The following NCKAP5 variants were observed in gnomAD, a reference collection of about 807,000 sequenced individuals.
The protein encoded by NCKAP5 is NCK associated protein 5.
A neutral mutation model predicts 167.0 loss-of-function variants in NCKAP5; 92 were observed. That is an observed-to-expected ratio of 0.55 (90% CI 0.47 to 0.66). NCKAP5 has a LOEUF of 0.66. Among genes scored for constraint, NCKAP5 ranks in the 30% least tolerant of loss-of-function variants. NCKAP5 has a pLI of 0.00. For synonymous variants in NCKAP5, 891 were observed against 877.4 expected (o/e 1.02, Z -0.27); for missense variants, 2,378 against 2,315.0 (o/e 1.03, Z -0.56).
At chr2:133,604,189 G>A in the NCKAP5 span, among the ~76,000 whole-genome samples, 8 of 152,096 alleles carry the variant, frequency 5.3e-5, no homozygotes, top group Non-Finnish European at 1.0e-4. Flanking sequence ...GTAAAGATGA[G>A]TCTTTAGGAT....
chr2:133,600,392 G>GA, the NCKAP5 span, among the ~76,000 whole-genome samples: 33 of 151,950 alleles, frequency 2.2e-4, no homozygotes, highest in African/African-American at 8.0e-4. Flanking sequence ...GGCCTCTAGG[G>GA]AAAAAAAAGA....
At chr2:132,893,324 C>T (rs996892159) in intron 8 of NCKAP5, among the ~76,000 whole-genome samples, 12 of 152,122 alleles carry the variant, frequency 7.9e-5, no homozygotes, top group Non-Finnish European at 1.6e-4. Context: ...TGTAGGTACC[C>T]GCAAACACAT....
intron 4 of NCKAP5, among the ~76,000 whole-genome samples, chr2:133,249,214 A>C (rs1034666777): frequency 2.0e-5 from 3 of 152,170 alleles, no homozygotes; most frequent in African/African-American, 7.2e-5. Flanking sequence ...GAGATGGGGA[A>C]GTTATCCTGG....
chr2:133,383,911 TG>T (rs1329038518), intron 3 of NCKAP5, among the ~76,000 whole-genome samples: 4 of 152,178 alleles, frequency 2.6e-5, no homozygotes, highest in African/African-American at 7.2e-5. Context: ...TTGATGGGGT[TG>T]TTTTTTTCTT....
chr2:133,614,681 C>A, the NCKAP5 span, among the ~76,000 whole-genome samples: 1 of 152,162 alleles, frequency 6.6e-6, no homozygotes, highest in Admixed American at 6.5e-5. Flanking sequence ...GATTGGTATA[C>A]CTGAAAGTGA....
chr2:133,046,862 G>T (rs2079419035), intron 6 of NCKAP5, among the ~76,000 whole-genome samples: 1 of 152,140 alleles, frequency 6.6e-6, no homozygotes, highest in Non-Finnish European at 1.5e-5. Flanking sequence ...AAACATAAGG[G>T]GTCGAGAGAA....
chr2:132,736,035 T>C (rs1691473674), intron 16 of NCKAP5, among the ~76,000 whole-genome samples: 1 of 152,188 alleles, frequency 6.6e-6, no homozygotes, highest in Admixed American at 6.5e-5. Context: ...TCCCAGAGAA[T>C]TGCATGCCCT....
chr2:133,095,390 G>A (rs1438338364), intron 6 of NCKAP5, among the ~76,000 whole-genome samples: 1 of 152,110 alleles, frequency 6.6e-6, no homozygotes, highest in Non-Finnish European at 1.5e-5. Context: ...TAGAATTTGG[G>A]TCAGGCTCGT....
In NCKAP5 at chr2:132,731,686, C is replaced by CT. The variant is rs546898224; in HGVS notation, c.5443+50dup. 8.8e-4 allele frequency: 1,329 copies of CT among 1,508,092 alleles called. 1 individual carries two copies. The highest frequency in any genetic ancestry group is 7.9e-3 in the Middle Eastern group (44 of 5,580). The allele number at this position is 1,508,092 out of a possible 1,614,324, so 93.4% of individuals were successfully genotyped here. A position where few individuals can be genotyped will look rare whatever the true frequency, so the allele number is the denominator to read the frequency against. On this transcript the variant is annotated intron_variant, in intron 17 of 19. Coordinates refer to ENST00000409261, the MANE Select transcript of NCKAP5 (RefSeq NM_207363.3). ...ACTCATCTCCTGGTGAAAAGTTTCC[C>CT]TTTTTTTTGTCAGCAAATGTCTTAT...
the NCKAP5 span, among the ~76,000 whole-genome samples, chr2:133,641,913 G>A: frequency 6.6e-6 from 1 of 152,058 alleles, no homozygotes; most frequent in African/African-American, 2.4e-5. Flanking sequence ...TATCTACCCT[G>A]GTGTCTTAGT....
the NCKAP5 span, among the ~76,000 whole-genome samples, chr2:133,630,561 A>G: frequency 7.9e-5 from 12 of 152,244 alleles, no homozygotes. Flanking sequence ...TACCTACATA[A>G]CAAACTTGCA....
chr2:132,743,522 AC>A (rs1679383749), intron 16 of NCKAP5, among the ~76,000 whole-genome samples: 1 of 151,772 alleles, frequency 6.6e-6, no homozygotes, highest in South Asian at 2.1e-4. Context: ...TAAACCACTC[AC>A]TAAAACAGGA....
chr2:133,317,056 C>G (rs1232597008), intron 3 of NCKAP5, among the ~76,000 whole-genome samples: 2 of 152,054 alleles, frequency 1.3e-5, no homozygotes, highest in African/African-American at 4.8e-5. Context: ...TGCCACTGGC[C>G]TCAGGAAATA....
chr2:133,125,631 G>T (rs2082379250), intron 6 of NCKAP5, among the ~76,000 whole-genome samples: 1 of 152,172 alleles, frequency 6.6e-6, no homozygotes, highest in South Asian at 2.1e-4. Context: ...TAAAGTGGCA[G>T]CCCTAAGATA....
At chr2:133,123,737 GTGCTGA>G in intron 6 of NCKAP5, 1 of 471,000 alleles carries the variant, frequency 2.1e-6, no homozygotes, top group Non-Finnish European at 4.4e-6. Context: ...GAAGAGCTCT[GTGCTGA>G]TGCTTGTCCA....
rs759943858 is a variant in NCKAP5, at chr2:132,731,721, G to A, written c.5443+16C>T. ...TCAGCAAATGTCTTATTAAGGGTGG[G>A]AAATTGGCATTTTACCTGAGGAAGC... On this transcript the variant is annotated intron_variant, in intron 17 of 19. Transcript: ENST00000409261. 6.4e-6 allele frequency: 10 copies of A among 1,559,444 alleles called. No homozygotes were observed. In the East Asian group the frequency reaches 2.1e-4, roughly 32 times the overall value.
At chr2:133,279,084 T>C (rs1283082537) in intron 4 of NCKAP5, among the ~76,000 whole-genome samples, 1 of 152,214 alleles carries the variant, frequency 6.6e-6, no homozygotes, top group Non-Finnish European at 1.5e-5. Context: ...AGTTCAACCA[T>C]TTTGGAGGAA....
At chr2:133,606,515 G>A in the NCKAP5 span, among the ~76,000 whole-genome samples, 1 of 152,026 alleles carries the variant, frequency 6.6e-6, no homozygotes, top group African/African-American at 2.4e-5. Flanking sequence ...AAAAGGCCTG[G>A]GCCCACACTG....
At chr2:133,545,055 T>C (rs1342823295) in intron 2 of NCKAP5, among the ~76,000 whole-genome samples, 20 of 152,144 alleles carry the variant, frequency 1.3e-4, no homozygotes, top group Admixed American at 1.3e-3. Context: ...AGAACTCCCC[T>C]GGGTCCCTAC....
Sources: gnomAD v4.1 joint callset for allele counts (sites outside exome capture counted in the v4.1 genomes callset) on GRCh38, gnomAD v4.1.1 for gene constraint, MANE v1.5 for transcripts, NCBI Gene and HGNC (gene_info 2026-07-23, HGNC 2026-07-21) for gene names.